TENM3: variants seen among roughly 807,000 people sequenced by gnomAD.
The protein encoded by TENM3 is teneurin transmembrane protein 3.
A neutral mutation model predicts 255.1 loss-of-function variants in TENM3; 63 were observed. The observed-to-expected ratio is 0.25, with a 90% CI of 0.20 to 0.30. The LOEUF (loss-of-function observed/expected upper bound fraction) is 0.30. Ranked by LOEUF, TENM3 falls within the 10% of genes least tolerant of loss-of-function variation. The pLI is 1.00. For missense variants in TENM3, 2,929 were observed against 3,461.1 expected (o/e 0.85, Z 3.86); for synonymous variants, 1,306 against 1,322.3 (o/e 0.99, Z 0.27).
chr4:181,881,221 C>G, the TENM3 span, among the ~76,000 whole-genome samples: 1,060 of 152,098 alleles, frequency 7.0e-3, 6 homozygotes, highest in African/African-American at 0.024. Context: ...GGATACCCTT[C>G]GGGAATGGAG....
At chr4:181,790,776 T>C in the TENM3 span, among the ~76,000 whole-genome samples, 1 of 152,170 alleles carries the variant, frequency 6.6e-6, no homozygotes, top group Admixed American at 6.5e-5. Flanking sequence ...CTTCTTAATA[T>C]CTGCTTACGG....
chr4:182,197,423 GT>G (rs991300416), intron 1 of TENM3, among the ~76,000 whole-genome samples: 3 of 151,858 alleles, frequency 2.0e-5, no homozygotes, highest in African/African-American at 7.3e-5. Context: ...AAGTTCAGGG[GT>G]TTTTTTTCCT....
the TENM3 span, among the ~76,000 whole-genome samples, chr4:181,920,732 G>A: frequency 1.3e-5 from 2 of 151,588 alleles, no homozygotes; most frequent in Non-Finnish European, 2.9e-5. Flanking sequence ...AAGCTCTTTA[G>A]TTTAATTAGA....
At chr4:181,641,586 ATATATATGGTGTGTG>A in the TENM3 span, among the ~76,000 whole-genome samples, 1 of 98,384 alleles carries the variant, frequency 1.0e-5, no homozygotes, top group African/African-American at 4.0e-5. Flanking sequence ...ATATATATAT[ATATATATGGTGTGTG>A]TGTGTATATA....
chr4:182,614,456 A>AG, intron 4 of TENM3, among the ~76,000 whole-genome samples: 2 of 152,284 alleles, frequency 1.3e-5, no homozygotes, highest in South Asian at 4.1e-4. Context: ...TTCAAGGAAA[A>AG]ATAATGAATT....
intron 3 of TENM3, among the ~76,000 whole-genome samples, chr4:182,518,130 T>C (rs1276491854): frequency 6.6e-6 from 1 of 152,184 alleles, no homozygotes; most frequent in African/African-American, 2.4e-5. Context: ...TCATGGTGCC[T>C]GGGACCTCAT....
At chr4:182,101,486 G>GA in the TENM3 span, among the ~76,000 whole-genome samples, 1 of 152,188 alleles carries the variant, frequency 6.6e-6, no homozygotes, top group Non-Finnish European at 1.5e-5. Flanking sequence ...CAACCCTCTA[G>GA]ACCTTCCTTA....
At chr4:182,430,141 C>T (rs537701833) in intron 3 of TENM3, among the ~76,000 whole-genome samples, 32 of 152,228 alleles carry the variant, frequency 2.1e-4, no homozygotes, top group African/African-American at 7.5e-4. Context: ...GTGGAAAAAA[C>T]ATTTGATTCA....
chr4:181,879,494 A>G, the TENM3 span, among the ~76,000 whole-genome samples: 2 of 152,186 alleles, frequency 1.3e-5, no homozygotes, highest in African/African-American at 2.4e-5. Context: ...AGAAGCAGTG[A>G]AGGAAAATTG....
At chr4:182,708,474 G>C (rs946825992) in intron 12 of TENM3, among the ~76,000 whole-genome samples, 3 of 152,194 alleles carry the variant, frequency 2.0e-5, no homozygotes, top group Non-Finnish European at 2.9e-5. Flanking sequence ...TTTCTGGGAA[G>C]AGAACCCAAA....
intron 3 of TENM3, among the ~76,000 whole-genome samples, chr4:182,578,798 C>T (rs1745196058): frequency 6.6e-6 from 1 of 152,204 alleles, no homozygotes. Context: ...GTTGGCCCCA[C>T]TTTATCTATC....
intron 1 of TENM3, among the ~76,000 whole-genome samples, chr4:182,197,418 C>A (rs1444694429): frequency 2.0e-5 from 3 of 152,134 alleles, no homozygotes; most frequent in Non-Finnish European, 2.9e-5. Flanking sequence ...AAAAGAAGTT[C>A]AGGGGTTTTT....
At chr4:181,690,716 G>A in the TENM3 span, among the ~76,000 whole-genome samples, 2 of 152,112 alleles carry the variant, frequency 1.3e-5, no homozygotes, top group African/African-American at 2.4e-5. Context: ...CAGGGCTAAC[G>A]TGAATCACAG....
chr4:182,328,657 T>A (rs963627820), intron 2 of TENM3, among the ~76,000 whole-genome samples: 1 of 152,156 alleles, frequency 6.6e-6, no homozygotes, highest in African/African-American at 2.4e-5. Flanking sequence ...GATTTCTAAG[T>A]GTGCCTCATC....
chr4:181,943,632 A>C, the TENM3 span, among the ~76,000 whole-genome samples: 1 of 152,220 alleles, frequency 6.6e-6, no homozygotes, highest in Non-Finnish European at 1.5e-5. Context: ...GATTCTGGGA[A>C]TTGCTTGTGA....
chr4:182,519,887 G>GA (rs1420176292), intron 3 of TENM3, among the ~76,000 whole-genome samples: 4 of 151,948 alleles, frequency 2.6e-5, no homozygotes, highest in East Asian at 1.9e-4. Flanking sequence ...TTGTATTTGG[G>GA]AAAAAACCTC....
At chr4:181,464,500 G>A in the TENM3 span, among the ~76,000 whole-genome samples, 1 of 152,116 alleles carries the variant, frequency 6.6e-6, no homozygotes, top group Non-Finnish European at 1.5e-5. Flanking sequence ...TAGGCTAATT[G>A]TGTTTTAATT....
At chr4:182,393,127 C>A (rs919654594) in intron 3 of TENM3, among the ~76,000 whole-genome samples, 1 of 152,170 alleles carries the variant, frequency 6.6e-6, no homozygotes. Flanking sequence ...AACTAACAGA[C>A]AACGTCTTTT....
the TENM3 span, among the ~76,000 whole-genome samples, chr4:181,742,186 T>C: frequency 6.6e-6 from 1 of 152,022 alleles, no homozygotes; most frequent in African/African-American, 2.4e-5. Context: ...AAAACAGAAA[T>C]ATATAGAAAA....
Sources: gnomAD v4.1 joint callset for allele counts (sites outside exome capture counted in the v4.1 genomes callset) on GRCh38, gnomAD v4.1.1 for gene constraint, MANE v1.5 for transcripts, NCBI Gene and HGNC (gene_info 2026-07-23, HGNC 2026-07-21) for gene names.